LYST: variants seen among roughly 807,000 people sequenced by gnomAD.
LYST encodes the protein lysosomal trafficking regulator.
Under a neutral mutation model 413.6 loss-of-function variants are expected in LYST, and 192 were observed. The observed-to-expected ratio is 0.46, with a 90% CI of 0.41 to 0.52. LYST has a LOEUF of 0.52. Among genes scored for constraint, LYST ranks in the 20% least tolerant of loss-of-function variants. LYST has a pLI of 0.00. For synonymous variants in LYST, 1,525 were observed against 1,567.3 expected (o/e 0.97, Z 0.64); for missense variants, 3,815 against 4,499.9 (o/e 0.85, Z 4.35).
At chr1:235,858,200 TAGA>T (rs775025289) in intron 1 of LYST, among the ~76,000 whole-genome samples, 13 of 152,206 alleles carry the variant, frequency 8.5e-5, no homozygotes, top group East Asian at 1.9e-4. Flanking sequence ...GCTTCAATGC[TAGA>T]AGGACTCAGA....
In LYST at chr1:235,806,428, C is replaced by T. The variant is rs778530055; in HGVS notation, c.2708G>A (p.Cys903Tyr). The T allele has an allele frequency of 4.3e-6, 7 of 1,613,946 alleles. No homozygotes were observed. Among genetic ancestry groups the T allele is most frequent in the Non-Finnish European group, 5.9e-6 (7 of 1,179,996 alleles). Residue 903 changes from cysteine to tyrosine, a missense_variant, in exon 6 of 53, where the codon TGT (cysteine) becomes TAT (tyrosine). Physicochemically the swap from Cys to Tyr is radical, Grantham distance 194 (BLOSUM62 -2). Around this residue, in one of 4 missense-constraint regions of LYST, gnomAD observed 1,648 missense variants for 1,810.3 expected, o/e 0.91. Coordinates refer to ENST00000389793, the MANE Select transcript of LYST (RefSeq NM_000081.4). ...VHINTINLFLCVAFLCVSKEA... is the reference protein window; with the variant it reads ...VHINTINLFLYVAFLCVSKEA... ...TTTACTTACGCATAAAAAAGCCACA[C>T]AGAGGAATAGGTTTATTGTGTTGAT... is the stretch of plus-strand genomic sequence containing the variant.
chr1:235,825,742 G>A (rs564514579), intron 3 of LYST, among the ~76,000 whole-genome samples: 1 of 152,244 alleles, frequency 6.6e-6, no homozygotes, highest in East Asian at 1.9e-4. Flanking sequence ...ACATTGTTAA[G>A]TGTCAATTCT....
chr1:235,880,230 A>T (rs769075185), intron 1 of LYST, among the ~76,000 whole-genome samples: 12 of 152,262 alleles, frequency 7.9e-5, no homozygotes, highest in Non-Finnish European at 1.5e-4. Flanking sequence ...TCAGAGAAGA[A>T]GGAAGACTAT....
chr1:235,724,054 G>A lies in LYST; in HGVS notation c.9289C>T (p.Leu3097Phe). 1.2e-6 allele frequency: 2 copies of A among 1,613,722 alleles called. No homozygotes were observed. The change falls in exon 39 of 53, where the codon CTC becomes TTC. Residue 3097 changes from leucine (L) to phenylalanine (F), a missense_variant. Leu to Phe is a conservative substitution (Grantham distance 22, BLOSUM62 0). This residue lies in a region of LYST where 866 missense variants were observed against 1,156.0 expected (regional missense o/e 0.75). Transcript: ENST00000389793. Reference sequence around the variant, plus strand: ...TTGGTGTTATCAAATGCCAACAGGAGTGTTCTGCCATTTGTTAGAAAGATT... The same window carrying A: ...TTGGTGTTATCAAATGCCAACAGGAATGTTCTGCCATTTGTTAGAAAGATT... ...VEIFLTNGRT[L>F]LLAFDNTKVR...
At position 235,747,534 on chromosome 1, in the gene LYST, C is replaced by CA. The variant is rs141905339; in HGVS notation, c.7781-1008dup. Among the ~76,000 whole-genome samples the CA allele has an allele frequency of 5.4e-3, 751 of 140,086 alleles. 5 individuals carry two copies. The highest frequency in any genetic ancestry group is 0.01 in the East Asian group (49 of 4,882). 91.9% of individuals were successfully genotyped at this position (140,086 alleles called of 152,430 possible). The stretch of plus-strand genomic sequence containing the variant: ...TGTATTTTGATAGTCACTTTTGAGG[C>CA]AAAAAAAAAAGAAAATACAAAAATT... On this transcript the variant is annotated intron_variant, in intron 28 of 52. Transcript: ENST00000389793.
At position 235,663,967 on chromosome 1, in the gene LYST, G is replaced by T. The variant is rs199729572; in HGVS notation, c.11267+17C>A. 1.9e-6 allele frequency: 3 copies of T among 1,572,428 alleles called. No individual in the cohort carries two copies. Among genetic ancestry groups the T allele is most frequent in the East Asian group, 2.2e-5 (1 of 44,714 alleles). On this transcript the variant is annotated intron_variant, in intron 52 of 52. Coordinates refer to ENST00000389793, the MANE Select transcript of LYST (RefSeq NM_000081.4). ...ACAAATTGTATTCTGAAGCATAAGAGGGGGAGAAGATCTTACCTGATGATG... is the reference window on the plus strand; with the variant it reads ...ACAAATTGTATTCTGAAGCATAAGATGGGGAGAAGATCTTACCTGATGATG...
chr1:235,801,625 TAC>T (rs1170991069), intron 8 of LYST, among the ~76,000 whole-genome samples: 2 of 152,168 alleles, frequency 1.3e-5, no homozygotes, highest in Non-Finnish European at 2.9e-5. Flanking sequence ...AAAATGTTGA[TAC>T]AGTTAAGAAA....
Position 235,664,610 on chromosome 1 carries a change from T to C in LYST, c.11050A>G (p.Ser3684Gly). ...ATVCDSAGGG[S>G]DLRLWTVNGD... ...TTCACCGTCCAGAGTCTGAGGTCACTGCCTCCGCCAGCTAAAACACCCAAA... is the reference window on the plus strand; with the variant it reads ...TTCACCGTCCAGAGTCTGAGGTCACCGCCTCCGCCAGCTAAAACACCCAAA... Residue 3684 changes from serine to glycine, a missense_variant, in exon 51 of 53, where the codon AGT (serine) becomes GGT (glycine). By Grantham distance (56) the Ser-to-Gly change is moderately conservative. Around this residue, in one of 4 missense-constraint regions of LYST, gnomAD observed 866 missense variants for 1,156.0 expected, o/e 0.75. Transcript: ENST00000389793. The surrounding 1 kb of genome is among the most constrained non-coding windows in gnomAD (Gnocchi z 4.5). 1.2e-6 allele frequency: 2 copies of C among 1,614,142 alleles called. No homozygotes were observed. Among genetic ancestry groups the C allele is most frequent in the Non-Finnish European group, 8.5e-7 (1 of 1,180,026 alleles).
intron 48 of LYST, among the ~76,000 whole-genome samples, chr1:235,684,017 G>A (rs542194796): frequency 6.6e-6 from 1 of 152,114 alleles, no homozygotes; most frequent in South Asian, 2.1e-4. Flanking sequence ...ATACTTAGGT[G>A]GAAAAAAAAT....
chr1:235,683,576 G>A (rs554302281), intron 48 of LYST, among the ~76,000 whole-genome samples: 54 of 152,160 alleles, frequency 3.5e-4, no homozygotes, highest in African/African-American at 1.2e-3. Context: ...AGAAACTTAC[G>A]GTGCTCAAAG....
chr1:235,759,209 T>G lies in LYST; in HGVS notation c.6644A>C (p.Asp2215Ala), dbSNP rs765123057. ...GCAGGACTCATCCCCAGGACTGTCA[T>G]CTTCTGACCTGGGTTCTGCTCCCAA... ...KQLGAEPRSE[D>A]DSPGDESCPR... The change falls in exon 23 of 53, where the codon GAT (aspartate) becomes GCT (alanine). Residue 2215 changes from aspartate (D) to alanine (A), a missense_variant. Transcript: ENST00000389793. 2 of 1,614,006 alleles carry G rather than the reference T, an allele frequency of 1.2e-6. No homozygotes were observed. Among genetic ancestry groups the G allele is most frequent in the South Asian group, 2.2e-5 (2 of 91,088 alleles).
At chr1:235,685,759 T>A (rs1039994383) in intron 48 of LYST, among the ~76,000 whole-genome samples, 2 of 151,646 alleles carry the variant, frequency 1.3e-5, no homozygotes, top group Non-Finnish European at 2.9e-5. Flanking sequence ...GGCAGAAGAA[T>A]TGCTTGAACC....
intron 1 of LYST, among the ~76,000 whole-genome samples, chr1:235,879,928 G>T (rs1157955106): frequency 1.3e-5 from 2 of 152,256 alleles, no homozygotes; most frequent in Non-Finnish European, 2.9e-5. Flanking sequence ...GTAGAGACGG[G>T]GTTTCACCAT....
intron 4 of LYST, among the ~76,000 whole-genome samples, chr1:235,811,910 A>G (rs1319374477): frequency 2.0e-5 from 3 of 152,196 alleles, no homozygotes; most frequent in Admixed American, 6.5e-5. Flanking sequence ...TAGTGAATCA[A>G]TAAATAAGCA....
intron 1 of LYST, among the ~76,000 whole-genome samples, chr1:235,881,721 C>A (rs928396760): frequency 2.0e-5 from 3 of 152,072 alleles, no homozygotes; most frequent in African/African-American, 7.2e-5. Flanking sequence ...ACACATGCTA[C>A]AACATGGATG....
At chr1:235,789,111 C>A (rs1001340119) in intron 12 of LYST, among the ~76,000 whole-genome samples, 1 of 152,024 alleles carries the variant, frequency 6.6e-6, no homozygotes, top group South Asian at 2.1e-4. Context: ...CAATTGTGGG[C>A]GTAACCAGAC....
rs1666678620 is a variant in LYST at position 235,753,239 on chromosome 1, A to AAC, written c.7263_7264dup (p.Phe2422CysfsTer13). On this transcript the variant is annotated frameshift_variant, in exon 26 of 53. Coordinates refer to ENST00000389793, the MANE Select transcript of LYST (RefSeq NM_000081.4). LOFTEE classifies it high-confidence loss of function. The stretch of plus-strand genomic sequence containing the variant: ...AATAGGAATGACAGACCACTTCTGA[A>AAC]ACAATCCCATGTTTCTCACATCTTC... 6.2e-7 allele frequency: 1 copy of AAC among 1,608,472 alleles called. No individual in the cohort carries two copies.
intron 1 of LYST, among the ~76,000 whole-genome samples, chr1:235,851,048 T>A (rs919416752): frequency 6.6e-6 from 1 of 152,008 alleles, no homozygotes; most frequent in Non-Finnish European, 1.5e-5. Context: ...GAAAAAGAAG[T>A]CATTATTTGA....
chr1:235,678,532 T>A (rs1659565942), intron 48 of LYST, among the ~76,000 whole-genome samples: 1 of 152,182 alleles, frequency 6.6e-6, no homozygotes. Context: ...CTTGCTTTGT[T>A]AGGTTAACTA....
Sources: allele counts gnomAD v4.1 joint callset (sites outside exome capture counted in the v4.1 genomes callset), GRCh38; gene constraint gnomAD v4.1.1; regional missense constraint gnomAD v4.1.1; non-coding constraint Gnocchi (gnomAD v3.1); transcripts MANE v1.5; gene names NCBI Gene and HGNC (gene_info 2026-07-23, HGNC 2026-07-21).